The following TMEM51 variants were observed in gnomAD, a reference collection of about 807,000 sequenced individuals.
TMEM51 encodes the protein chromosome 1 open reading frame 72.
In TMEM51, 8 loss-of-function variants were observed where a neutral mutation model predicts 13.6. The ratio of observed to expected loss-of-function variants is 0.59; its 90% CI spans 0.35 to 1.07. The LOEUF is 1.07. Ranked by LOEUF, TMEM51 falls within the 50% of genes least tolerant of loss-of-function variation. The pLI is 0.02. For missense variants in TMEM51, 279 were observed against 330.7 expected, an observed-to-expected ratio of 0.84 and a Z score of 1.21; for synonymous variants, 147 against 144.4, an observed-to-expected ratio of 1.02 and a Z score of -0.13.
intron 1 of TMEM51, among the ~76,000 whole-genome samples, chr1:15,189,045 T>A (rs956296658): frequency 6.6e-6 from 1 of 151,904 alleles, no homozygotes; most frequent in Non-Finnish European, 1.5e-5. Context: ...ATTTGGTCAT[T>A]ATATATTTTT....
At chr1:15,188,029 G>C (rs1250582987) in intron 1 of TMEM51, among the ~76,000 whole-genome samples, 3 of 152,176 alleles carry the variant, frequency 2.0e-5, no homozygotes, top group Non-Finnish European at 4.4e-5. Flanking sequence ...TTGTTTTACT[G>C]TTTTGGTCAC....
chr1:15,209,180 C>T (rs1377332776), intron 1 of TMEM51, among the ~76,000 whole-genome samples: 1 of 151,996 alleles, frequency 6.6e-6, no homozygotes, highest in African/African-American at 2.4e-5. Flanking sequence ...AGCAGATCCT[C>T]CCACCTCAAC....
intron 1 of TMEM51, chr1:15,168,581 G>C (rs1643115451): frequency 1.5e-6 from 2 of 1,304,554 alleles, no homozygotes. Flanking sequence ...AAGAGGAACT[G>C]TGCCTGGCTG....
At chr1:15,170,020 G>T (rs1643184379) in intron 1 of TMEM51, among the ~76,000 whole-genome samples, 1 of 152,160 alleles carries the variant, frequency 6.6e-6, no homozygotes, top group Non-Finnish European at 1.5e-5. Context: ...TGGTCCTAAT[G>T]ATCTGGGTGA....
intron 1 of TMEM51, among the ~76,000 whole-genome samples, chr1:15,181,349 G>C (rs1643610120): frequency 6.6e-6 from 1 of 152,202 alleles, no homozygotes; most frequent in Admixed American, 6.5e-5. Flanking sequence ...GTTGCAGTAG[G>C]ATGGGAAGTT....
intron 1 of TMEM51, among the ~76,000 whole-genome samples, chr1:15,170,465 C>T (rs1254791403): frequency 1.3e-5 from 2 of 151,524 alleles, no homozygotes; most frequent in Non-Finnish European, 1.5e-5. Flanking sequence ...CGCACCACCA[C>T]GCCCGGCTAA....
At chr1:15,209,052 A>AGT (rs1011700890) in intron 1 of TMEM51, among the ~76,000 whole-genome samples, 24 of 151,446 alleles carry the variant, frequency 1.6e-4, no homozygotes, top group African/African-American at 2.4e-4. Flanking sequence ...TCCAGGAGGT[A>AGT]GTGTGTGTGT....
rs3753316 is a variant in TMEM51 at position 15,214,911 on chromosome 1, C to T, written c.-177C>T. ...TCCTTCCAGGCCCTTCCACCGCAGC[C>T]ATCCGCACGGGAGGCCTCGCGATTG... On this transcript the variant is annotated 5_prime_UTR_variant, in exon 3 of 4. Coordinates refer to ENST00000376008, the MANE Select transcript of TMEM51 (RefSeq NM_001136218.2). 0.36 allele frequency: 224,754 copies of T among 615,938 alleles called. 43,337 individuals are homozygous for T. The highest frequency in any genetic ancestry group is 0.56 in the East Asian group (20,172 of 35,810). 38.2% of individuals were successfully genotyped at this position (615,938 alleles called of 1,614,324 possible).
At chr1:15,168,519 G>A (rs1306552749) in intron 1 of TMEM51, 1 of 1,304,590 alleles carries the variant, frequency 7.7e-7, no homozygotes, top group Non-Finnish European at 1.0e-6. Context: ...TTTTATGATT[G>A]GAAGCTGGTA....
intron 1 of TMEM51, among the ~76,000 whole-genome samples, chr1:15,201,108 C>T (rs964832582): frequency 1.3e-5 from 2 of 152,198 alleles, no homozygotes; most frequent in African/African-American, 4.8e-5. Flanking sequence ...TGAGTCGTGT[C>T]TAGTTTGAAT....
chr1:15,208,389 G>A (rs545614808), intron 1 of TMEM51, among the ~76,000 whole-genome samples: 10 of 152,116 alleles, frequency 6.6e-5, no homozygotes, highest in South Asian at 2.1e-4. Context: ...TGGTAAGGCC[G>A]AAGCAGGAGG....
chr1:15,219,230 G>C (rs959473061), intron 3 of TMEM51, 96 bp from the exon 4 acceptor site: 23 of 1,312,930 alleles, frequency 1.8e-5, no homozygotes, highest in Middle Eastern at 2.5e-4. Flanking sequence ...TATTTACAAG[G>C]CTGCTGTGTG....
upstream of TMEM51, chr1:15,153,586 C>A (rs1412283196): frequency 6.6e-6 from 1 of 152,154 alleles, no homozygotes; most frequent in African/African-American, 2.4e-5. Context: ...TGGGTGCCCG[C>A]CTCGCTCAGC....
intron 1 of TMEM51, among the ~76,000 whole-genome samples, chr1:15,193,575 C>CTTTCTTTCTTTTTT (rs1249772503): frequency 0.01 from 1,149 of 114,428 alleles, 35 homozygotes; most frequent in African/African-American, 0.039. Flanking sequence ...TTCTTTCTTT[C>CTTTCTTTCTTTTTT]TTTTTTTTTT....
At chr1:15,180,206 G>A (rs907530589) in intron 1 of TMEM51, among the ~76,000 whole-genome samples, 8 of 149,532 alleles carry the variant, frequency 5.4e-5, no homozygotes, top group African/African-American at 2.1e-4. Context: ...AGTCTTTGCA[G>A]TTGTTGAGCA....
At chr1:15,214,462 T>C (rs1557859271) in intron 2 of TMEM51, among the ~76,000 whole-genome samples, 2 of 152,156 alleles carry the variant, frequency 1.3e-5, no homozygotes, top group African/African-American at 4.8e-5. Context: ...AGTAGGCTGT[T>C]TGGCCTGGTC....
intron 1 of TMEM51, among the ~76,000 whole-genome samples, chr1:15,196,378 CTGTG>C (rs1256544594): frequency 9.7e-6 from 1 of 103,120 alleles, no homozygotes; most frequent in Admixed American, 1.2e-4. Flanking sequence ...CAAATCTGGG[CTGTG>C]TGTGTGTGTG....
intron 1 of TMEM51, among the ~76,000 whole-genome samples, chr1:15,198,345 G>A (rs752736394): frequency 2.6e-5 from 4 of 152,162 alleles, no homozygotes; most frequent in Admixed American, 6.5e-5. Flanking sequence ...AGGAAGCCAC[G>A]GAAAGCCGAG....
chr1:15,215,558 A>G (rs1644418557), intron 3 of TMEM51, 127 bp downstream of exon 3: 1 of 907,076 alleles, frequency 1.1e-6, no homozygotes, highest in East Asian at 2.7e-5. Context: ...ATGTTCGCCC[A>G]TGACGCCTCT....
Sources: allele counts gnomAD v4.1 joint callset (sites outside exome capture counted in the v4.1 genomes callset), GRCh38; gene constraint gnomAD v4.1.1; transcripts MANE v1.5; gene names NCBI Gene and HGNC (gene_info 2026-07-23, HGNC 2026-07-21).